INTS2: variants seen among roughly 807,000 people sequenced by gnomAD.
The protein encoded by INTS2 is integrator complex subunit 2.
A neutral mutation model predicts 139.6 loss-of-function variants in INTS2; 57 were observed. The ratio of observed to expected loss-of-function variants is 0.41; its 90% CI spans 0.33 to 0.51. The LOEUF (loss-of-function observed/expected upper bound fraction) is 0.51, where lower values mean the gene tolerates loss of function less well. INTS2 is among the 20% of genes least tolerant of loss of function. The pLI is 0.28. For synonymous variants in INTS2, 473 were observed against 493.4 expected (o/e 0.96, Z 0.55); for missense variants, 1,196 against 1,436.7 (o/e 0.83, Z 2.71).
intron 5 of INTS2, among the ~76,000 whole-genome samples, chr17:61,914,738 G>C (rs2079562432): frequency 6.6e-6 from 1 of 150,454 alleles, no homozygotes; most frequent in Non-Finnish European, 1.5e-5. Flanking sequence ...TCTGGGCCCA[G>C]TGGTATCGGC....
At chr17:61,902,877 AAAAC>A (rs1332015505) in intron 9 of INTS2, among the ~76,000 whole-genome samples, 1 of 151,250 alleles carries the variant, frequency 6.6e-6, no homozygotes. Flanking sequence ...AAAAAAAAAA[AAAAC>A]AGAGGCTGGG....
intron 15 of INTS2, among the ~76,000 whole-genome samples, chr17:61,887,868 T>C (rs1016822121): frequency 1.3e-5 from 2 of 150,786 alleles, no homozygotes; most frequent in African/African-American, 4.9e-5. Flanking sequence ...GCCTGGCCAG[T>C]ATGATGAAAC....
intron 16 of INTS2, among the ~76,000 whole-genome samples, chr17:61,881,552 G>A (rs573218469): frequency 2.6e-5 from 4 of 152,224 alleles, no homozygotes; most frequent in South Asian, 2.1e-4. Context: ...AGCCAGGATC[G>A]CAACATTGCA....
intron 1 of INTS2, chr17:61,927,193 T>C (rs1465166015): frequency 5.9e-6 from 1 of 169,108 alleles, no homozygotes; most frequent in Non-Finnish European, 1.3e-5. Flanking sequence ...GTGGAAAAAC[T>C]AGCAAATCAC....
At chr17:61,890,802 ACCTGTAAT>A (rs1388479810) in intron 14 of INTS2, among the ~76,000 whole-genome samples, 3 of 150,644 alleles carry the variant, frequency 2.0e-5, no homozygotes, top group Non-Finnish European at 4.4e-5. Context: ...AGTGGCTCAC[ACCTGTAAT>A]CCCAGCACTT....
chr17:61,913,880 A>C (rs1203999423), intron 5 of INTS2, among the ~76,000 whole-genome samples: 2 of 152,152 alleles, frequency 1.3e-5, no homozygotes, highest in Admixed American at 1.3e-4. Context: ...AAATATAATT[A>C]ACTGTTTAAA....
intron 14 of INTS2, among the ~76,000 whole-genome samples, chr17:61,890,253 AT>A (rs2079276401): frequency 6.6e-6 from 1 of 152,202 alleles, no homozygotes; most frequent in Admixed American, 6.5e-5. Flanking sequence ...ACTTAAATAT[AT>A]TTGTGAAAAA....
rs1480166007 is a variant in INTS2, at chr17:61,911,725, G to C, written c.781-32C>G. ...CAGAAAAGAAAACAAACTGAATTCA[G>C]TATCATAAGCAAAAAGGCCAGTGAT... On this transcript the variant is annotated intron_variant, in intron 6 of 24. Transcript: ENST00000251334. 1.9e-6 allele frequency: 3 copies of C among 1,593,422 alleles called. No homozygotes were observed. In the African/African-American group the frequency reaches 4.0e-5, roughly 21 times the overall value.
In INTS2 at chr17:61,867,774, G is replaced by A. The variant is rs1567884923; in HGVS notation, c.3422-48C>T. On this transcript the variant is annotated intron_variant, in intron 24 of 24. Coordinates refer to ENST00000251334, the MANE Select transcript of INTS2 (RefSeq NM_001351695.2). This position sits in a 1 kb window ranked among gnomAD's most constrained non-coding sequence, Gnocchi z 5.6. ...CATTAAGGCCAAGAAATTTGGAAAG[G>A]AATTTGGCCTTTTTGTTTGAGATAT... The A allele has an allele frequency of 2.6e-6, 4 of 1,560,084 alleles. No homozygotes were observed. Among genetic ancestry groups the A allele is most frequent in the South Asian group, 2.4e-5 (2 of 83,186 alleles).
intron 17 of INTS2, among the ~76,000 whole-genome samples, chr17:61,878,943 A>AAAAAAAAAC (rs2079151111): frequency 2.7e-5 from 4 of 149,842 alleles, no homozygotes; most frequent in African/African-American, 9.9e-5. Context: ...AAAAAAAAAA[A>AAAAAAAAAC]AAAAAAAAAA....
In INTS2 at chr17:61,897,781, A is replaced by G; in HGVS notation, c.1308-42T>C. On this transcript the variant is annotated intron_variant, in intron 9 of 24. Coordinates refer to ENST00000251334, the MANE Select transcript of INTS2 (RefSeq NM_001351695.2). This position sits in a 1 kb window ranked among gnomAD's most constrained non-coding sequence, Gnocchi z 4.4. ...AGAATGTCACTGGTTTAAATTAGATATACTAGCATATGAATAAAAAGCATT... is the reference window on the plus strand; with the variant it reads ...AGAATGTCACTGGTTTAAATTAGATGTACTAGCATATGAATAAAAAGCATT... 8.0e-7 allele frequency: 1 copy of G among 1,251,344 alleles called. No homozygotes were observed. The highest frequency in any genetic ancestry group is 1.1e-6 in the Non-Finnish European group (1 of 877,592). 77.5% of individuals were successfully genotyped at this position (1,251,344 alleles called of 1,614,324 possible). A position where few individuals can be genotyped will look rare whatever the true frequency, so the allele number is the denominator to read the frequency against.
intron 9 of INTS2, among the ~76,000 whole-genome samples, chr17:61,899,031 C>A (rs2079378097): frequency 6.6e-6 from 1 of 152,182 alleles, no homozygotes. Context: ...AAGTATAATT[C>A]TTCTATTACC....
At chr17:61,925,454 G>T (rs1399886982) in intron 2 of INTS2, among the ~76,000 whole-genome samples, 1 of 152,000 alleles carries the variant, frequency 6.6e-6, no homozygotes, top group Non-Finnish European at 1.5e-5. Flanking sequence ...GCGCGTGCCT[G>T]TAGTCCCATC....
At chr17:61,919,028 G>A (rs967732169) in intron 5 of INTS2, among the ~76,000 whole-genome samples, 18 of 150,778 alleles carry the variant, frequency 1.2e-4, no homozygotes, top group Non-Finnish European at 2.1e-4. Flanking sequence ...AGGTTCAAGC[G>A]ATTCTTCTGC....
intron 14 of INTS2, among the ~76,000 whole-genome samples, chr17:61,890,983 CAAAAAAAAAA>C (rs753902456): frequency 3.5e-4 from 4 of 11,320 alleles, no homozygotes; most frequent in African/African-American, 1.3e-3. Context: ...ACTCCAGTCT[CAAAAAAAAAA>C]AAAAAAAAAA....
At position 61,927,929 on chromosome 17, in the gene INTS2, C is replaced by T; in HGVS notation, c.-294G>A. On this transcript the variant is annotated 5_prime_UTR_variant, in exon 1 of 25. Transcript: ENST00000251334. ...GCGGGAGACTTTTTCAACCTGCACC[C>T]AGCACCTTCATTCATCCCCAGCGTC... 1 of 1,613,996 alleles carries T rather than the reference C, an allele frequency of 6.2e-7. No individual in the cohort carries two copies. Among genetic ancestry groups the T allele is most frequent in the Non-Finnish European group, 8.5e-7 (1 of 1,179,890 alleles).
rs376835327 is a variant in INTS2 at position 61,909,446 on chromosome 17, GCA to G, written c.955-1814_955-1813del. On this transcript the variant is annotated intron_variant, in intron 7 of 24. Coordinates refer to ENST00000251334, the MANE Select transcript of INTS2 (RefSeq NM_001351695.2). The surrounding 1 kb of genome is among the most constrained non-coding windows in gnomAD (Gnocchi z 4.9). ...TTTTATAGATTTAGGGGGTACAAGT[GCA>G]GTTTTGTTACATGAATCTATTGCAT... Among the ~76,000 whole-genome samples the G allele has an allele frequency of 7.5e-4, 114 of 152,220 alleles. No individual in the cohort carries two copies. Among genetic ancestry groups the G allele is most frequent in the African/African-American group, 2.6e-3 (109 of 41,544 alleles).
chr17:61,917,596 A>G (rs764380496), intron 5 of INTS2, among the ~76,000 whole-genome samples: 1 of 152,176 alleles, frequency 6.6e-6, no homozygotes, highest in Admixed American at 6.6e-5. Context: ...ATGGACATAA[A>G]GATGGGAACA....
At chr17:61,922,137 TA>T (rs2079648026) in intron 3 of INTS2, among the ~76,000 whole-genome samples, 1 of 152,084 alleles carries the variant, frequency 6.6e-6, no homozygotes. Context: ...TAAACTGCTT[TA>T]AAAAAGCCAA....
Sources: allele counts gnomAD v4.1 joint callset (sites outside exome capture counted in the v4.1 genomes callset), GRCh38; gene constraint gnomAD v4.1.1; non-coding constraint Gnocchi (gnomAD v3.1); transcripts MANE v1.5; gene names NCBI Gene and HGNC (gene_info 2026-07-23, HGNC 2026-07-21).